The following COL23A1 variants were observed in gnomAD, a reference collection of about 807,000 sequenced individuals.
COL23A1 encodes collagen alpha-1(XXIII) chain.
In COL23A1, 97 loss-of-function variants were observed where a neutral mutation model predicts 99.3. That is an observed-to-expected ratio of 0.98 (90% confidence interval 0.83 to 1.16). The LOEUF is 1.16. Ranked by LOEUF, COL23A1 falls within the 50% of genes most tolerant of loss-of-function variation. The probability of loss-of-function intolerance (pLI) is 0.00; values close to 1 mark genes in which losing one functional copy is unlikely to be tolerated. For missense variants in COL23A1, 762 were observed against 757.4 expected, an observed-to-expected ratio of 1.01 and a Z score of -0.07; for synonymous variants, 320 against 308.2, an observed-to-expected ratio of 1.04 and a Z score of -0.40.
intron 2 of COL23A1, among the ~76,000 whole-genome samples, chr5:178,529,054 G>A (rs890775952): frequency 1.3e-5 from 2 of 152,336 alleles, no homozygotes; most frequent in South Asian, 4.1e-4. Context: ...GTTCTGCTCC[G>A]CAGAGCTACG....
chr5:178,465,032 T>C (rs1321315995), intron 2 of COL23A1, among the ~76,000 whole-genome samples: 3 of 152,210 alleles, frequency 2.0e-5, no homozygotes, highest in African/African-American at 7.2e-5. Flanking sequence ...GAGGTAGCTT[T>C]GAGTAGGGCC....
chr5:178,256,142 T>C (rs1008209518), intron 15 of COL23A1, among the ~76,000 whole-genome samples: 2 of 152,224 alleles, frequency 1.3e-5, no homozygotes, highest in African/African-American at 4.8e-5. Flanking sequence ...AGGACTCTTA[T>C]TTTTGTACCT....
rs578062887 is a variant in COL23A1, at chr5:178,387,368, A to G, written c.362-80449T>C. 1.4e-4 allele frequency among the ~76,000 whole-genome samples: 22 copies of G among 152,142 alleles called. 1 individual carries two copies. Among genetic ancestry groups the G allele is most frequent in the African/African-American group, 5.3e-4 (22 of 41,508 alleles). Reference sequence around the variant, plus strand: ...ACTGACCCGCTCACAAGTCTCTAAGACACTGCTGGGTCAAGCCTCAGTGCG... The same window carrying G: ...ACTGACCCGCTCACAAGTCTCTAAGGCACTGCTGGGTCAAGCCTCAGTGCG... On this transcript the variant is annotated intron_variant, in intron 2 of 28. Coordinates refer to ENST00000390654, the MANE Select transcript of COL23A1 (RefSeq NM_173465.4). This position sits in a 1 kb window ranked among gnomAD's most constrained non-coding sequence, Gnocchi z 4.7.
Position 178,262,265 on chromosome 5 carries a change from G to A in COL23A1, c.640-13C>T, listed in dbSNP as rs1765674116. The A allele has an allele frequency of 1.3e-6, 2 of 1,577,950 alleles. No homozygotes were observed. Among genetic ancestry groups the A allele is most frequent in the Non-Finnish European group, 8.6e-7 (1 of 1,161,266 alleles). Reference sequence around the variant, plus strand: ...CTCCTTTGGGGCCCTGCGGAAGTGTGAGGGGACAGCAGTGAAGGATGCAGG... The same window carrying A: ...CTCCTTTGGGGCCCTGCGGAAGTGTAAGGGGACAGCAGTGAAGGATGCAGG... On this transcript the variant is annotated splice_polypyrimidine_tract_variant and intron_variant, in intron 9 of 28. Coordinates refer to ENST00000390654, the MANE Select transcript of COL23A1 (RefSeq NM_173465.4).
chr5:178,450,483 G>A (rs916164368), intron 2 of COL23A1, among the ~76,000 whole-genome samples: 2 of 152,252 alleles, frequency 1.3e-5, no homozygotes, highest in Non-Finnish European at 1.5e-5. Flanking sequence ...AGAGGACATC[G>A]CACGCTGAGA....
intron 2 of COL23A1, among the ~76,000 whole-genome samples, chr5:178,456,582 C>T (rs1767808644): frequency 6.6e-6 from 1 of 152,176 alleles, no homozygotes; most frequent in African/African-American, 2.4e-5. Flanking sequence ...CCTGTAATCC[C>T]AGCTACTCAG....
intron 2 of COL23A1, among the ~76,000 whole-genome samples, chr5:178,478,062 G>C (rs1327294236): frequency 6.6e-6 from 1 of 152,210 alleles, no homozygotes; most frequent in Non-Finnish European, 1.5e-5. Context: ...GAACAGGCAG[G>C]GAAGAGGCTG....
intron 2 of COL23A1, among the ~76,000 whole-genome samples, chr5:178,406,656 C>T (rs1764780660): frequency 6.6e-6 from 1 of 152,072 alleles, no homozygotes; most frequent in Admixed American, 6.6e-5. Context: ...TCTTGAACTC[C>T]TGACCTTGTG....
intron 2 of COL23A1, among the ~76,000 whole-genome samples, chr5:178,491,509 C>T (rs1757933332): frequency 6.6e-6 from 1 of 152,062 alleles, no homozygotes; most frequent in African/African-American, 2.4e-5. Context: ...ACCCTCAGAA[C>T]TACATTTAAG....
At chr5:178,392,118 ATTTTTTTT>A (rs57353104) in intron 2 of COL23A1, among the ~76,000 whole-genome samples, 72 of 137,182 alleles carry the variant, frequency 5.2e-4, no homozygotes, top group Admixed American at 2.0e-3. Context: ...AGTGTCTGCT[ATTTTTTTT>A]TTTTTTTTTT....
chr5:178,578,737 G>A (rs1260858644), intron 1 of COL23A1, among the ~76,000 whole-genome samples: 1 of 140,190 alleles, frequency 7.1e-6, no homozygotes, highest in Admixed American at 7.5e-5. Flanking sequence ...GTGAAGCGAA[G>A]CAGATGTGTG....
intron 2 of COL23A1, among the ~76,000 whole-genome samples, chr5:178,377,613 T>C (rs1380807609): frequency 4.6e-5 from 7 of 152,132 alleles, no homozygotes; most frequent in Admixed American, 3.9e-4. Context: ...CAACCCCATC[T>C]CCAAGGCGGT....
intron 2 of COL23A1, among the ~76,000 whole-genome samples, chr5:178,390,992 G>C (rs1326273224): frequency 6.6e-6 from 1 of 152,220 alleles, no homozygotes; most frequent in Admixed American, 6.5e-5. Flanking sequence ...CTGGGCTGTG[G>C]ACCAGTTTGT....
At chr5:178,377,460 G>A (rs891075094) in intron 2 of COL23A1, among the ~76,000 whole-genome samples, 6 of 150,140 alleles carry the variant, frequency 4.0e-5, no homozygotes, top group Non-Finnish European at 8.8e-5. Context: ...GTCCCGACAT[G>A]GGTCTACCCA....
In COL23A1 at chr5:178,346,503, T is replaced by C. The variant is rs912014839; in HGVS notation, c.362-39584A>G. ...CACCCGCCTTGGTCTCCCAAAGTGC[T>C]GGGATTACAGGTGTGAGCCACCAGG... On this transcript the variant is annotated intron_variant, in intron 2 of 28. Transcript: ENST00000390654. 4.6e-5 allele frequency among the ~76,000 whole-genome samples: 7 copies of C among 152,354 alleles called. No individual in the cohort carries two copies. The South Asian group carries it at 8.3e-4, about 18-fold the overall frequency.
chr5:178,463,160 G>A (rs145048138), intron 2 of COL23A1, among the ~76,000 whole-genome samples: 168 of 152,334 alleles, frequency 1.1e-3, no homozygotes, highest in Non-Finnish European at 2.0e-3. Context: ...TTGCTCCAAA[G>A]ATTCCAGTTA....
chr5:178,386,322 C>T (rs1763670915), intron 2 of COL23A1, among the ~76,000 whole-genome samples: 1 of 152,002 alleles, frequency 6.6e-6, no homozygotes, highest in Admixed American at 6.5e-5. Flanking sequence ...GCCTGTAGTC[C>T]CAGCTGCTTG....
chr5:178,279,855 A>C (rs1756794396), intron 5 of COL23A1, among the ~76,000 whole-genome samples: 5 of 152,158 alleles, frequency 3.3e-5, no homozygotes, highest in Admixed American at 2.0e-4. Context: ...GACCCCCACC[A>C]GGCCAGGTCT....
At position 178,579,715 on chromosome 5, in the gene COL23A1, G is replaced by A. The variant is rs1275561454; in HGVS notation, c.294+10189C>T. ...GATCCACCTGCCTCAGACTCCCAAA[G>A]TGCTGGGATTACAGGCATGAGCCAC... On this transcript the variant is annotated intron_variant, in intron 1 of 28. Coordinates refer to ENST00000390654, the MANE Select transcript of COL23A1 (RefSeq NM_173465.4). 2.6e-5 allele frequency among the ~76,000 whole-genome samples: 4 copies of A among 152,256 alleles called. No homozygotes were observed. In the East Asian group the frequency reaches 7.7e-4, roughly 29 times the overall value.
Sources: gnomAD v4.1 joint callset for allele counts (sites outside exome capture counted in the v4.1 genomes callset) on GRCh38, gnomAD v4.1.1 for gene constraint, Gnocchi (gnomAD v3.1) non-coding constraint, MANE v1.5 for transcripts, NCBI Gene and HGNC (gene_info 2026-07-23, HGNC 2026-07-21) for gene names.